PIK3C2G: variants seen among roughly 807,000 people sequenced by gnomAD.
PIK3C2G encodes the protein phosphatidylinositol 3-kinase C2 domain-containing subunit gamma.
Under a neutral mutation model 181.1 loss-of-function variants are expected in PIK3C2G, and 168 were observed. The observed-to-expected ratio is 0.93, with a 90% CI of 0.82 to 1.05. The LOEUF is 1.05. Among genes scored for constraint, PIK3C2G ranks in the 50% least tolerant of loss-of-function variants. PIK3C2G has a pLI of 0.00. For missense variants in PIK3C2G, 1,869 were observed against 1,732.8 expected, an observed-to-expected ratio of 1.08 and a Z score of -1.40; for synonymous variants, 573 against 592.2, an observed-to-expected ratio of 0.97 and a Z score of 0.47.
chr12:18,458,853 T>TAA (rs1363276649), intron 18 of PIK3C2G, among the ~76,000 whole-genome samples: 5 of 134,102 alleles, frequency 3.7e-5, no homozygotes, highest in South Asian at 2.4e-4. Context: ...ACAGCCAGTT[T>TAA]AAAAAAAAAA....
intron 18 of PIK3C2G, among the ~76,000 whole-genome samples, chr12:18,467,904 A>G (rs74841758): frequency 0.025 from 3,791 of 152,178 alleles, 145 homozygotes; most frequent in African/African-American, 0.087. Flanking sequence ...TAGGCTCATG[A>G]TACCATTATT....
chr12:18,573,592 G>C lies in PIK3C2G; in HGVS notation c.4011+6535G>C, dbSNP rs1425128684. 1.3e-5 allele frequency among the ~76,000 whole-genome samples: 2 copies of C among 152,018 alleles called. 1 individual carries two copies. Among genetic ancestry groups the C allele is most frequent in the East Asian group, 3.9e-4 (2 of 5,194 alleles). On this transcript the variant is annotated intron_variant, in intron 29 of 32. Coordinates refer to ENST00000538779, the MANE Select transcript of PIK3C2G (RefSeq NM_001288772.2). ...CCTGGTAATTTTTCATTATCTTGTT[G>C]GCTGTCTAACACTTTCCAGCAAAGT...
In PIK3C2G at chr12:18,414,779, A is replaced by G. The variant is rs565145277; in HGVS notation, c.2316-6162A>G. Reference sequence around the variant, plus strand: ...ATTGCCAACAAGTATGAAAGAGCCCATGTTGCAGGAACTTCAGCAGTACTG... The same window carrying G: ...ATTGCCAACAAGTATGAAAGAGCCCGTGTTGCAGGAACTTCAGCAGTACTG... On this transcript the variant is annotated intron_variant, in intron 16 of 32. Coordinates refer to ENST00000538779, the MANE Select transcript of PIK3C2G (RefSeq NM_001288772.2). Among the ~76,000 whole-genome samples the G allele has an allele frequency of 3.9e-5, 6 of 152,196 alleles. No individual in the cohort carries two copies. In the East Asian group the frequency reaches 1.2e-3, roughly 29 times the overall value.
intron 1 of PIK3C2G, among the ~76,000 whole-genome samples, chr12:18,276,066 C>T (rs1379601853): frequency 1.3e-5 from 2 of 152,182 alleles, no homozygotes; most frequent in African/African-American, 2.4e-5. Flanking sequence ...AAGAAAACAG[C>T]AGCTACATCT....
At chr12:18,277,057 A>G (rs973699841) in intron 1 of PIK3C2G, among the ~76,000 whole-genome samples, 23 of 152,334 alleles carry the variant, frequency 1.5e-4, no homozygotes, top group Non-Finnish European at 1.0e-4. Context: ...AAATAGTATC[A>G]GAGCTTATGT....
At chr12:18,276,718 T>G (rs1591806268) in intron 1 of PIK3C2G, among the ~76,000 whole-genome samples, 1 of 152,226 alleles carries the variant, frequency 6.6e-6, no homozygotes. Context: ...TTATAGTTTT[T>G]GTATTCATTT....
At position 18,299,239 on chromosome 12, in the gene PIK3C2G, T is replaced by C. The variant is rs77277393; in HGVS notation, c.1034+5224T>C. On this transcript the variant is annotated intron_variant, in intron 5 of 32. Transcript: ENST00000538779. ...TTTCACCAGAGATTTGTAGTTTTCC[T>C]TGCAGAGGTCTTTTACCCCTTTGGT... 9.6e-3 allele frequency among the ~76,000 whole-genome samples: 1,454 copies of C among 152,088 alleles called. 32 individuals are homozygous for C. The highest frequency in any genetic ancestry group is 0.032 in the African/African-American group (1,348 of 41,536).
Position 18,291,278 on chromosome 12 carries a change from T to C in PIK3C2G, c.919+266T>C, listed in dbSNP as rs186099722. 2.3e-3 allele frequency among the ~76,000 whole-genome samples: 343 copies of C among 152,344 alleles called. 8 individuals are homozygous for C. Among genetic ancestry groups the C allele is most frequent in the Admixed American group, 0.022 (340 of 15,290 alleles). On this transcript the variant is annotated intron_variant, in intron 4 of 32. Transcript: ENST00000538779. ...AATGCTTAATAGCAAGTATAGCAAG[T>C]TTTTAATATATTAAAAAATGAATTT...
At chr12:18,637,533 C>A (rs1949661592) in intron 31 of PIK3C2G, among the ~76,000 whole-genome samples, 1 of 152,126 alleles carries the variant, frequency 6.6e-6, no homozygotes, top group South Asian at 2.1e-4. Context: ...GCTGCTTTGG[C>A]CCTGCTGTCC....
At chr12:18,700,512 C>CATAAAAAAA in the PIK3C2G span, among the ~76,000 whole-genome samples, 1 of 67,896 alleles carries the variant, frequency 1.5e-5, no homozygotes, top group Non-Finnish European at 2.5e-5. Context: ...AGCCAACGTA[C>CATAAAAAAA]AAAAAAAAAA....
chr12:18,479,096 A>G (rs1939304216), intron 18 of PIK3C2G, among the ~76,000 whole-genome samples: 1 of 151,114 alleles, frequency 6.6e-6, no homozygotes, highest in African/African-American at 2.4e-5. Flanking sequence ...TAAAATATAC[A>G]TATGTATACA....
chr12:18,663,622 C>T, the PIK3C2G span, among the ~76,000 whole-genome samples: 16,037 of 151,506 alleles, frequency 0.11, 1,084 homozygotes, highest in African/African-American at 0.19. Flanking sequence ...CTAAACATAA[C>T]AGCAAAAACT....
At chr12:18,292,227 A>AAAATATATAT in intron 4 of PIK3C2G, among the ~76,000 whole-genome samples, 51 of 48,708 alleles carry the variant, frequency 1.0e-3, no homozygotes, top group African/African-American at 4.9e-3. Context: ...AAAAAAAAAA[A>AAAATATATAT]ATATATATAT....
the PIK3C2G span, among the ~76,000 whole-genome samples, chr12:18,669,311 G>A: frequency 6.6e-6 from 1 of 152,120 alleles, no homozygotes; most frequent in South Asian, 2.1e-4. Context: ...CATTATATGT[G>A]TGGTCTCTTG....
chr12:18,617,662 A>G (rs555463538), intron 31 of PIK3C2G, among the ~76,000 whole-genome samples: 24 of 152,276 alleles, frequency 1.6e-4, no homozygotes, highest in African/African-American at 5.5e-4. Flanking sequence ...CTTGCCAGAT[A>G]CTGCCCAGAA....
intron 31 of PIK3C2G, among the ~76,000 whole-genome samples, chr12:18,623,504 G>A (rs897984337): frequency 1.6e-4 from 24 of 151,678 alleles, no homozygotes; most frequent in Non-Finnish European, 3.0e-5. Flanking sequence ...GCTCATGATG[G>A]CCTTGGCAAT....
At position 18,289,753 on chromosome 12, in the gene PIK3C2G, C is replaced by T. The variant is rs571758984; in HGVS notation, c.762-1102C>T. The stretch of plus-strand genomic sequence containing the variant: ...TATTTACTTACCCATTTGCCAGGCC[C>T]CTGATGGAGGAGATGTTTCCATGGA... On this transcript the variant is annotated intron_variant, in intron 3 of 32. Transcript: ENST00000538779. 3.9e-5 allele frequency among the ~76,000 whole-genome samples: 6 copies of T among 152,116 alleles called. No individual in the cohort carries two copies. In the South Asian group the frequency reaches 1.2e-3, roughly 32 times the overall value.
intron 18 of PIK3C2G, among the ~76,000 whole-genome samples, chr12:18,468,736 G>T (rs991464435): frequency 1.3e-5 from 2 of 152,002 alleles, no homozygotes; most frequent in African/African-American, 4.8e-5. Context: ...ATTCAAAATT[G>T]GTTGCTCAAG....
chr12:18,545,738 C>T (rs1944388301), intron 25 of PIK3C2G, among the ~76,000 whole-genome samples: 1 of 151,794 alleles, frequency 6.6e-6, no homozygotes, highest in Non-Finnish European at 1.5e-5. Context: ...TAGTGAGAAT[C>T]ATGGAGTCAT....
Sources: gnomAD v4.1 joint callset for allele counts (sites outside exome capture counted in the v4.1 genomes callset) on GRCh38, gnomAD v4.1.1 for gene constraint, MANE v1.5 for transcripts, NCBI Gene and HGNC (gene_info 2026-07-23, HGNC 2026-07-21) for gene names.